FSIP2: variants seen among roughly 807,000 people sequenced by gnomAD.
FSIP2 encodes the protein fibrous sheath-interacting protein 2.
A neutral mutation model predicts 510.5 loss-of-function variants in FSIP2; 367 were observed. The ratio of observed to expected loss-of-function variants is 0.72; its 90% CI spans 0.66 to 0.78. The LOEUF (loss-of-function observed/expected upper bound fraction) is 0.78. Among genes scored for constraint, FSIP2 ranks in the 30% least tolerant of loss-of-function variants. The pLI, the probability that FSIP2 is intolerant of heterozygous loss-of-function variation, is 0.00. For missense variants in FSIP2, 7,594 were observed against 7,901.7 expected, an observed-to-expected ratio of 0.96 and a Z score of 1.48; for synonymous variants, 2,601 against 2,732.2, an observed-to-expected ratio of 0.95 and a Z score of 1.50.
At chr2:185,763,088 C>T (rs1692388246) in intron 11 of FSIP2, 95 bp from the exon 12 acceptor site, 2 of 644,552 alleles carry the variant, frequency 3.1e-6, no homozygotes, top group Admixed American at 4.7e-5. Context: ...GGCAGCTGAG[C>T]AGGGAGAATG....
intron 7 of FSIP2, among the ~76,000 whole-genome samples, chr2:185,751,486 T>TGTGTGTGTGTGTGCGC (rs1692146805): frequency 2.0e-5 from 3 of 149,566 alleles, no homozygotes; most frequent in Non-Finnish European, 3.0e-5. Context: ...TGTGTGTGTG[T>TGTGTGTGTGTGTGCGC]GTGTGTGTGT....
At chr2:185,826,575 G>A (rs1215679049) in intron 20 of FSIP2, among the ~76,000 whole-genome samples, 1 of 151,696 alleles carries the variant, frequency 6.6e-6, no homozygotes, top group Non-Finnish European at 1.5e-5. Flanking sequence ...ACCTATCCCA[G>A]TTCTTTGCTT....
chr2:185,781,896 G>A (rs1692857028), intron 13 of FSIP2, among the ~76,000 whole-genome samples: 1 of 150,904 alleles, frequency 6.6e-6, no homozygotes. Context: ...GGAGTGCAGT[G>A]GCGCGATCTC....
chr2:185,772,894 T>A (rs960853790), intron 13 of FSIP2, among the ~76,000 whole-genome samples: 8 of 151,684 alleles, frequency 5.3e-5, no homozygotes, highest in African/African-American at 1.9e-4. Flanking sequence ...CAGATCTAGC[T>A]CTGTCACCCA....
intron 6 of FSIP2, 108 bp downstream of exon 6, chr2:185,746,918 A>G (rs1692046351): frequency 2.5e-6 from 2 of 787,482 alleles, no homozygotes; most frequent in Non-Finnish European, 3.8e-6. Flanking sequence ...TTCAGTTCAA[A>G]ATAATTTGTT....
chr2:185,751,291 T>A (rs539551798), intron 7 of FSIP2, among the ~76,000 whole-genome samples: 1 of 151,672 alleles, frequency 6.6e-6, no homozygotes, highest in East Asian at 1.9e-4. Context: ...CTGTTGGTGA[T>A]TTGATTTGTT....
chr2:185,818,749 T>G (rs931231427), intron 19 of FSIP2, among the ~76,000 whole-genome samples: 1 of 151,768 alleles, frequency 6.6e-6, no homozygotes, highest in Non-Finnish European at 1.5e-5. Context: ...GAGGCGAAAT[T>G]AAGACATTCC....
chr2:185,821,856 G>A (rs1693926168), intron 19 of FSIP2, among the ~76,000 whole-genome samples: 1 of 150,600 alleles, frequency 6.6e-6, no homozygotes, highest in Non-Finnish European at 1.5e-5. Context: ...AGCACAGGAA[G>A]TTGAGGCTGC....
Position 185,792,535 on chromosome 2 carries a change from T to C in FSIP2, c.5399T>C (p.Leu1800Pro). 1 of 1,531,132 alleles carries C rather than the reference T, an allele frequency of 6.5e-7. No individual in the cohort carries two copies. The highest frequency in any genetic ancestry group is 1.2e-5 in the South Asian group (1 of 83,848). The allele number at this position is 1,531,132 out of a possible 1,614,324, so 94.8% of individuals were successfully genotyped here. The change falls in exon 16 of 23, where the codon CTT becomes CCT. Residue 1800 changes from leucine to proline, a missense_variant. Transcript: ENST00000424728. ...QSTLINQLNV[L>P]SLSHSNFNGM... ...ACTTTAATCAATCAATTAAATGTCC[T>C]TTCTCTCTCCCACTCTAATTTTAAT...
Position 185,796,383 on chromosome 2 carries a change from G to A in FSIP2, c.9247G>A (p.Val3083Ile). The A allele has an allele frequency of 2.6e-6, 4 of 1,533,748 alleles. No individual in the cohort carries two copies. Among genetic ancestry groups the A allele is most frequent in the Non-Finnish European group, 3.5e-6 (4 of 1,145,282 alleles). ...SFHSQLLTYAVNIISDMLAVI... is the reference protein window; with the variant it reads ...SFHSQLLTYAINIISDMLAVI... ...CCATTCACAATTACTTACATATGCT[G>A]TTAATATCATCAGTGACATGCTTGC... is the stretch of plus-strand genomic sequence containing the variant. Residue 3083 changes from valine (V) to isoleucine (I), a missense_variant, in exon 16 of 23, where the codon GTT becomes ATT. Physicochemically the swap from Val to Ile is conservative, Grantham distance 29. Transcript: ENST00000424728.
intron 17 of FSIP2, among the ~76,000 whole-genome samples, chr2:185,811,177 G>A (rs1331734121): frequency 1.3e-5 from 2 of 151,956 alleles, no homozygotes; most frequent in African/African-American, 4.8e-5. Flanking sequence ...ATAAAAGTTT[G>A]GAAAATTAGC....
chr2:185,828,710 AGT>A (rs1694057562), intron 21 of FSIP2, among the ~76,000 whole-genome samples: 1 of 151,900 alleles, frequency 6.6e-6, no homozygotes, highest in Admixed American at 6.6e-5. Flanking sequence ...CCTACTCCCC[AGT>A]GTGAGCCAAG....
chr2:185,792,804 T>C lies in FSIP2; in HGVS notation c.5668T>C (p.Ser1890Pro), dbSNP rs954753340. 2 of 1,534,348 alleles carry C rather than the reference T, an allele frequency of 1.3e-6. No individual in the cohort carries two copies. The highest frequency in any genetic ancestry group is 2.7e-5 in the African/African-American group (2 of 72,918). The part of the protein sequence containing the change: ...SHEHTYKGKS[S>P]VTALDENPCT... Reference sequence around the variant, plus strand: ...TGAACACACCTATAAAGGAAAGTCCTCTGTCACGGCTTTGGATGAAAATCC... The same window carrying C: ...TGAACACACCTATAAAGGAAAGTCCCCTGTCACGGCTTTGGATGAAAATCC... Residue 1890 changes from serine to proline, a missense_variant, in exon 16 of 23, where the codon TCT becomes CCT. By Grantham distance (74) the Ser-to-Pro change is moderately conservative. Transcript: ENST00000424728.
Position 185,804,669 on chromosome 2 carries a change from G to A in FSIP2, c.15363G>A (p.Met5121Ile), listed in dbSNP as rs1430920016. Residue 5121 changes from methionine to isoleucine, a missense_variant, in exon 17 of 23, where the codon ATG becomes ATA. Physicochemically the swap from Met to Ile is conservative, Grantham distance 10. Transcript: ENST00000424728. ...TVLPHSLLED[M>I]VYRLLGHVFP... is the part of the protein sequence containing the mutation. ...TGCCTCATTCTCTTTTAGAAGATAT[G>A]GTTTACAGGCTTCTAGGGCATGTCT... 6.5e-7 allele frequency: 1 copy of A among 1,532,492 alleles called. No homozygotes were observed. Among genetic ancestry groups the A allele is most frequent in the African/African-American group, 1.4e-5 (1 of 72,728 alleles). 94.9% of individuals were successfully genotyped at this position (1,532,492 alleles called of 1,614,324 possible). A position where few individuals can be genotyped will look rare whatever the true frequency, so the allele number is the denominator to read the frequency against.
chr2:185,765,406 T>C (rs998697623), intron 13 of FSIP2: 1 of 152,052 alleles, frequency 6.6e-6, no homozygotes, highest in African/African-American at 2.4e-5. Flanking sequence ...AGGGAATCCT[T>C]TCCCCATTGC....
intron 5 of FSIP2, 117 bp from the exon 6 acceptor site, chr2:185,746,552 T>A: frequency 1.3e-6 from 1 of 743,160 alleles, no homozygotes; most frequent in Non-Finnish European, 2.0e-6. Context: ...AGTAAAATTC[T>A]TGTAGTTCAA....
chr2:185,810,599 G>A (rs1693707045), intron 17 of FSIP2, among the ~76,000 whole-genome samples: 1 of 139,110 alleles, frequency 7.2e-6, no homozygotes, highest in African/African-American at 2.7e-5. Flanking sequence ...CTTTACAGCA[G>A]TGGAAGAATG....
At position 185,804,994 on chromosome 2, in the gene FSIP2, G is replaced by C; in HGVS notation, c.15688G>C (p.Glu5230Gln). The C allele has an allele frequency of 1.3e-6, 2 of 1,569,936 alleles. No individual in the cohort carries two copies. The highest frequency in any genetic ancestry group is 1.7e-6 in the Non-Finnish European group (2 of 1,162,802). Residue 5230 changes from glutamate (E) to glutamine (Q), a missense_variant, in exon 17 of 23, where the codon GAA (glutamate) becomes CAA (glutamine). Transcript: ENST00000424728. ...LSKLAGFIMK[E>Q]IMYHHLQPFL... ...TAAATTAGCTGGTTTTATTATGAAAGAAATCATGTATCATCATTTACAGCC... is the reference window on the plus strand; with the variant it reads ...TAAATTAGCTGGTTTTATTATGAAACAAATCATGTATCATCATTTACAGCC...
Position 185,807,230 on chromosome 2 carries a change from G to A in FSIP2, c.17924G>A (p.Cys5975Tyr). The stretch of plus-strand genomic sequence containing the variant: ...TGTGATGAGGTTTCAGTTTCAGCAT[G>A]TTTGCCTCTGGAATCTAAGGATGTT... ...IFCDEVSVSA[C>Y]LPLESKDVVK... is the part of the protein sequence containing the mutation. The change falls in exon 17 of 23, where the codon TGT (cysteine) becomes TAT (tyrosine). Residue 5975 changes from cysteine to tyrosine, a missense_variant. Physicochemically the swap from Cys to Tyr is radical, Grantham distance 194. Coordinates refer to ENST00000424728, the MANE Select transcript of FSIP2 (RefSeq NM_173651.4). 1 of 1,606,446 alleles carries A rather than the reference G, an allele frequency of 6.2e-7. No individual in the cohort carries two copies. The highest frequency in any genetic ancestry group is 8.5e-7 in the Non-Finnish European group (1 of 1,177,684).
Sources: gnomAD v4.1 joint callset for allele counts (sites outside exome capture counted in the v4.1 genomes callset) on GRCh38, gnomAD v4.1.1 for gene constraint, MANE v1.5 for transcripts, NCBI Gene and HGNC (gene_info 2026-07-23, HGNC 2026-07-21) for gene names.